TLR5: variants seen among roughly 807,000 people sequenced by gnomAD.
TLR5 encodes the protein toll-like receptor 5.
For missense variants in TLR5, 944 were observed against 999.8 expected, an observed-to-expected ratio of 0.94 and a Z score of 0.75; for synonymous variants, 373 against 384.4, an observed-to-expected ratio of 0.97 and a Z score of 0.35.
rs542612873 is a variant in TLR5, at chr1:223,136,378, T to C, written c.-353+800A>G. 2.0e-5 allele frequency among the ~76,000 whole-genome samples: 3 copies of C among 152,224 alleles called. No homozygotes were observed. In the East Asian group the frequency reaches 5.8e-4, roughly 29 times the overall value. On this transcript the variant is annotated intron_variant, in intron 3 of 5. Transcript: ENST00000642603. ...TTGGCAATGCATAAGAGATCTGAAA[T>C]TGTGACACAGTGACACAACCTGGGG...
chr1:223,142,542 C>G (rs980917427), intron 1 of TLR5, among the ~76,000 whole-genome samples: 4 of 152,330 alleles, frequency 2.6e-5, no homozygotes, highest in African/African-American at 9.6e-5. Flanking sequence ...CAGACCCACC[C>G]TCGCCCCTTA....
At chr1:223,142,785 CT>C (rs1354889083) in intron 1 of TLR5, among the ~76,000 whole-genome samples, 4 of 152,192 alleles carry the variant, frequency 2.6e-5, no homozygotes, top group Non-Finnish European at 5.9e-5. Context: ...CTCTGTCTCC[CT>C]TTTCCAAGGA....
Position 223,141,688 on chromosome 1 carries a change from G to C in TLR5, c.-479C>G, listed in dbSNP as rs1053447912. ...CTTGGGAGGCTGAGGCAAGAGAATC[G>C]CTTGAACCCTGGAGGCAGTGGTTGC... On this transcript the variant is annotated 5_prime_UTR_variant, in exon 2 of 6. Coordinates refer to ENST00000642603, the MANE Select transcript of TLR5 (RefSeq NM_003268.6). The C allele has an allele frequency of 6.6e-6, 1 of 150,812 alleles. No individual in the cohort carries two copies. Among genetic ancestry groups the C allele is most frequent in the Non-Finnish European group, 1.5e-5 (1 of 67,794 alleles). The allele number at this position is 150,812 out of a possible 1,614,324, so 9.3% of individuals were successfully genotyped here.
At chr1:223,121,344 C>A (rs1170636324) in intron 5 of TLR5, among the ~76,000 whole-genome samples, 1 of 152,146 alleles carries the variant, frequency 6.6e-6, no homozygotes, top group Admixed American at 6.5e-5. Flanking sequence ...AATGTCATTT[C>A]AAAATAATAA....
Position 223,112,009 on chromosome 1 carries a change from G to A in TLR5, c.1023C>T (p.Leu341=). Residue 341 remains leucine, a synonymous_variant, in exon 6 of 6, where the codon CTC becomes CTT. Coordinates refer to ENST00000642603, the MANE Select transcript of TLR5 (RefSeq NM_003268.6). ...AFYGLDNLQV[L]NLSYNLLGEL... Reference sequence around the variant, plus strand: ...CCCCCAGAAGGTTATATGACAAATTGAGAACTTGGAGGTTGTCAAGTCCGT... The same window carrying A: ...CCCCCAGAAGGTTATATGACAAATTAAGAACTTGGAGGTTGTCAAGTCCGT... The A allele has an allele frequency of 6.2e-7, 1 of 1,614,136 alleles. No individual in the cohort carries two copies. Among genetic ancestry groups the A allele is most frequent in the Non-Finnish European group, 8.5e-7 (1 of 1,180,032 alleles).
Position 223,110,162 on chromosome 1 carries a change from A to G in TLR5, c.*293T>C. On this transcript the variant is annotated 3_prime_UTR_variant, in exon 6 of 6. Transcript: ENST00000642603. ...AAGGTGCCCTTCCCATGATTAGGAT[A>G]CATTCCATAATCAACACAGCAGGAC... 1 of 425,038 alleles carries G rather than the reference A, an allele frequency of 2.4e-6. No homozygotes were observed. Among genetic ancestry groups the G allele is most frequent in the Non-Finnish European group, 4.2e-6 (1 of 235,764 alleles). The allele number at this position is 425,038 out of a possible 1,614,324, so 26.3% of individuals were successfully genotyped here.
At chr1:223,113,510 C>G (rs1656474432) in intron 5 of TLR5, among the ~76,000 whole-genome samples, 1 of 152,150 alleles carries the variant, frequency 6.6e-6, no homozygotes, top group African/African-American at 2.4e-5. Flanking sequence ...CTGGCCTATT[C>G]TTGCTCTCTA....
intron 5 of TLR5, among the ~76,000 whole-genome samples, chr1:223,117,075 C>G (rs967074734): frequency 3.9e-5 from 6 of 152,146 alleles, no homozygotes; most frequent in Admixed American, 2.0e-4. Flanking sequence ...TCGGGTATGG[C>G]GGGCTGCAGG....
chr1:223,140,326 C>T (rs1173617279), intron 2 of TLR5, among the ~76,000 whole-genome samples: 1 of 152,162 alleles, frequency 6.6e-6, no homozygotes, highest in African/African-American at 2.4e-5. Context: ...GCAGGTGGAT[C>T]ACCTGAGGTC....
At chr1:223,127,379 C>G (rs1334071691) in intron 5 of TLR5, 1 of 152,218 alleles carries the variant, frequency 6.6e-6, no homozygotes. Flanking sequence ...CAAATTCACA[C>G]AGGTATAAAA....
At chr1:223,115,763 G>A (rs996558637) in intron 5 of TLR5, among the ~76,000 whole-genome samples, 1 of 152,188 alleles carries the variant, frequency 6.6e-6, no homozygotes, top group East Asian at 1.9e-4. Flanking sequence ...TGTTTATAGA[G>A]AGGAGTCAGG....
chr1:223,117,584 GAAA>G (rs1656738152), intron 5 of TLR5, among the ~76,000 whole-genome samples: 2 of 122,738 alleles, frequency 1.6e-5, no homozygotes, highest in African/African-American at 6.0e-5. Context: ...AAAAAAAAAA[GAAA>G]AGAAAAGAAA....
chr1:223,111,659 TTTTGA>T lies in TLR5; in HGVS notation c.1368_1372del (p.Asn456LysfsTer7). 3.1e-6 allele frequency: 5 copies of T among 1,614,126 alleles called. No individual in the cohort carries two copies. Among genetic ancestry groups the T allele is most frequent in the Non-Finnish European group, 4.2e-6 (5 of 1,180,020 alleles). On this transcript the variant is annotated frameshift_variant, in exon 6 of 6. Coordinates refer to ENST00000642603, the MANE Select transcript of TLR5 (RefSeq NM_003268.6). LOFTEE classifies it low-confidence loss of function (END_TRUNC). ...ATCTCCACTACAGGAGGAGAAGCGATTTTGATTTAAAATGAGAATCTGGAGATGAG... is the reference window on the plus strand; with the variant it reads ...ATCTCCACTACAGGAGGAGAAGCGATTTTAAAATGAGAATCTGGAGATGAG...
Position 223,110,823 on chromosome 1 carries a change from C to A in TLR5, c.2209G>T (p.Gly737Ter), listed in dbSNP as rs1389170491. The A allele has an allele frequency of 6.2e-7, 1 of 1,614,234 alleles. No individual in the cohort carries two copies. The highest frequency in any genetic ancestry group is 1.1e-5 in the South Asian group (1 of 91,086). Residue 737 changes from glycine to a stop codon, truncating the protein, a stop_gained, in exon 6 of 6, where the codon GGA becomes TGA. Coordinates refer to ENST00000642603, the MANE Select transcript of TLR5 (RefSeq NM_003268.6). LOFTEE classifies it low-confidence loss of function (END_TRUNC). ...TGGATATTGGCAATGCGGTTTTCTC[C>A]TGGGACAAAGTCTCTTTCTTCAAAG... is the stretch of plus-strand genomic sequence containing the variant. ...LCFEERDFVP[G>*]ENRIANIQDA...
intron 2 of TLR5, among the ~76,000 whole-genome samples, chr1:223,140,081 G>C (rs1657774373): frequency 6.6e-6 from 1 of 152,174 alleles, no homozygotes; most frequent in Admixed American, 6.5e-5. Flanking sequence ...GACCAATGGA[G>C]AACAAAGGAG....
intron 2 of TLR5, among the ~76,000 whole-genome samples, chr1:223,140,977 G>A (rs1657814517): frequency 6.6e-6 from 1 of 152,232 alleles, no homozygotes; most frequent in African/African-American, 2.4e-5. Flanking sequence ...GAGAGCGGAA[G>A]ACACTATACG....
intron 5 of TLR5, among the ~76,000 whole-genome samples, chr1:223,117,816 T>C (rs1005480857): frequency 6.6e-6 from 1 of 152,216 alleles, no homozygotes; most frequent in Non-Finnish European, 1.5e-5. Context: ...GTAATCAAGA[T>C]GTCATGATAA....
intron 2 of TLR5, among the ~76,000 whole-genome samples, chr1:223,140,612 A>T (rs1437706431): frequency 1.3e-5 from 2 of 151,290 alleles, no homozygotes; most frequent in Non-Finnish European, 2.9e-5. Context: ...TGAGGAAGAG[A>T]GTGGCAGGAC....
Position 223,112,422 on chromosome 1 carries a change from C to T in TLR5, c.610G>A (p.Ala204Thr), listed in dbSNP as rs775204022. 3.4e-5 allele frequency: 55 copies of T among 1,614,048 alleles called. No individual in the cohort carries two copies. The highest frequency in any genetic ancestry group is 4.2e-5 in the Non-Finnish European group (49 of 1,180,042). The change falls in exon 6 of 6, where the codon GCA (alanine) becomes ACA (threonine). Residue 204 changes from alanine to threonine, a missense_variant. Transcript: ENST00000642603. ...ACTCTGCTATACAAGCTATTAGCTG[C>T]GAGGCTAAAAAAGGAGAGCGTTTTC... The part of the protein sequence containing the change: ...QGKTLSFFSL[A>T]ANSLYSRVSV...
Sources: allele counts gnomAD v4.1 joint callset (sites outside exome capture counted in the v4.1 genomes callset), GRCh38; gene constraint gnomAD v4.1.1; transcripts MANE v1.5; gene names NCBI Gene and HGNC (gene_info 2026-07-23, HGNC 2026-07-21).